MGAT5: variants seen among roughly 807,000 people sequenced by gnomAD.
MGAT5 encodes the protein alpha-1,6-mannosylglycoprotein 6-beta-N-acetylglucosaminyltransferase.
A neutral mutation model predicts 94.3 loss-of-function variants in MGAT5; 30 were observed. The observed-to-expected ratio is 0.32, with a 90% CI of 0.24 to 0.43. The LOEUF is 0.43. MGAT5 is among the 20% of genes least tolerant of loss of function. The pLI is 1.00. For synonymous variants in MGAT5, 310 were observed against 322.9 expected (o/e 0.96, Z 0.43); for missense variants, 691 against 905.5 (o/e 0.76, Z 3.04).
chr2:134,172,682 A>G (rs534577275), intron 1 of MGAT5, among the ~76,000 whole-genome samples: 8 of 152,298 alleles, frequency 5.3e-5, no homozygotes, highest in Middle Eastern at 3.4e-3. Flanking sequence ...CACCATGCCC[A>G]GCCAGTACTT....
chr2:134,297,353 A>G (rs987925971), intron 2 of MGAT5, among the ~76,000 whole-genome samples: 11 of 152,086 alleles, frequency 7.2e-5, no homozygotes, highest in African/African-American at 2.7e-4. Context: ...GATTCTTCAC[A>G]GATTCTTCCA....
Position 134,284,790 on chromosome 2 carries a change from C to T in MGAT5, c.406+14240C>T, listed in dbSNP as rs367872339. The stretch of plus-strand genomic sequence containing the variant: ...GGTTCAGATCCTGGCTGGTGCATCT[C>T]TAATGTGCCCATTTAATCTGCCACT... On this transcript the variant is annotated intron_variant, in intron 2 of 15. Coordinates refer to ENST00000281923, the MANE Select transcript of MGAT5 (RefSeq NM_002410.5). 1.5e-4 allele frequency among the ~76,000 whole-genome samples: 23 copies of T among 152,258 alleles called. No individual in the cohort carries two copies. The East Asian group carries it at 4.1e-3, about 27-fold the overall frequency.
chr2:134,333,376 T>C (rs1688108106), intron 4 of MGAT5, among the ~76,000 whole-genome samples: 1 of 135,764 alleles, frequency 7.4e-6, no homozygotes, highest in Non-Finnish European at 1.5e-5. Flanking sequence ...TAGGTGGGAA[T>C]TGAACAATGA....
intron 3 of MGAT5, among the ~76,000 whole-genome samples, chr2:134,318,209 G>A (rs1490034426): frequency 2.6e-5 from 4 of 152,144 alleles, no homozygotes; most frequent in Admixed American, 6.5e-5. Flanking sequence ...CATTTGGGTG[G>A]TATCCATGTG....
intron 6 of MGAT5, among the ~76,000 whole-genome samples, chr2:134,338,689 A>G (rs1688468222): frequency 6.6e-6 from 1 of 152,158 alleles, no homozygotes; most frequent in South Asian, 2.1e-4. Flanking sequence ...TTGTCAGGGT[A>G]TCAGGAAACT....
chr2:134,345,660 T>TGGGG (rs1688879143), intron 8 of MGAT5, among the ~76,000 whole-genome samples: 1 of 152,210 alleles, frequency 6.6e-6, no homozygotes, highest in Admixed American at 6.5e-5. Context: ...TATACAAACA[T>TGGGG]GGCACTAAAT....
At position 134,209,099 on chromosome 2, in the gene MGAT5, G is replaced by A. The variant is rs190581272; in HGVS notation, c.-142-45163G>A. 6.7e-5 allele frequency among the ~76,000 whole-genome samples: 10 copies of A among 148,848 alleles called. 1 individual carries two copies. The highest frequency in any genetic ancestry group is 2.4e-4 in the African/African-American group (10 of 41,092). On this transcript the variant is annotated intron_variant, in intron 1 of 16. Transcript: ENST00000409645. ...TTGTTTTTGTGTATTTACCGGGGAT[G>A]AGGAGGTGGATGGGCAGAGGGATTG...
chr2:134,249,535 T>C (rs1238037993), upstream of MGAT5, among the ~76,000 whole-genome samples: 3 of 152,236 alleles, frequency 2.0e-5, no homozygotes, highest in African/African-American at 7.2e-5. Context: ...TTTTTTTGCT[T>C]AGTATAATGT....
At chr2:134,178,023 A>G (rs1369503052) in intron 1 of MGAT5, among the ~76,000 whole-genome samples, 1 of 152,166 alleles carries the variant, frequency 6.6e-6, no homozygotes, top group Admixed American at 6.5e-5. Context: ...TAATATTTGC[A>G]TAAGTGTGCT....
intron 12 of MGAT5, among the ~76,000 whole-genome samples, chr2:134,422,036 A>G (rs1255245290): frequency 6.6e-6 from 1 of 152,040 alleles, no homozygotes; most frequent in East Asian, 1.9e-4. Flanking sequence ...TTAATTAGCC[A>G]GGCATGATGT....
At chr2:134,260,702 C>CTTTTTTTTTTTTTTT (rs3838494) in intron 1 of MGAT5, among the ~76,000 whole-genome samples, 1 of 127,070 alleles carries the variant, frequency 7.9e-6, no homozygotes, top group Non-Finnish European at 1.7e-5. Flanking sequence ...TTTTCTTTTT[C>CTTTTTTTTTTTTTTT]TTTTTTTTTT....
chr2:134,291,704 G>C (rs1016907194), intron 2 of MGAT5, among the ~76,000 whole-genome samples: 64 of 152,294 alleles, frequency 4.2e-4, no homozygotes, highest in African/African-American at 1.4e-3. Flanking sequence ...CTCAGGTTGA[G>C]AGCCCTGTAA....
intron 4 of MGAT5, among the ~76,000 whole-genome samples, chr2:134,335,999 T>G (rs753216297): frequency 2.0e-5 from 3 of 152,140 alleles, no homozygotes; most frequent in Non-Finnish European, 2.9e-5. Context: ...AGATGTAAAG[T>G]ATAATCTCTT....
chr2:134,124,215 AGGTGG>A (rs1685740201), intron 1 of MGAT5, among the ~76,000 whole-genome samples: 1 of 152,214 alleles, frequency 6.6e-6, no homozygotes, highest in South Asian at 2.1e-4. Flanking sequence ...AAAGCTGCCA[AGGTGG>A]GTCCCAGGAG....
intron 1 of MGAT5, among the ~76,000 whole-genome samples, chr2:134,206,211 A>G (rs1171291352): frequency 6.6e-6 from 1 of 152,122 alleles, no homozygotes; most frequent in African/African-American, 2.4e-5. Flanking sequence ...TACTTAAGAA[A>G]CCTGTGATCA....
chr2:134,180,652 A>G (rs1688690385), intron 1 of MGAT5, among the ~76,000 whole-genome samples: 1 of 152,142 alleles, frequency 6.6e-6, no homozygotes, highest in South Asian at 2.1e-4. Context: ...CTCTGTGAGG[A>G]CCGCACTCCT....
chr2:134,381,545 A>AGATAGATAGATAGATAGATAGATT (rs1681631776), intron 10 of MGAT5, among the ~76,000 whole-genome samples: 2 of 151,486 alleles, frequency 1.3e-5, no homozygotes, highest in African/African-American at 4.9e-5. Context: ...ACAGATAGAT[A>AGATAGATAGATAGATAGATAGATT]GATAGATAGA....
At chr2:134,442,040 G>C (rs112406824) in intron 15 of MGAT5, 125 bp downstream of exon 15, 29 of 1,110,548 alleles carry the variant, frequency 2.6e-5, no homozygotes, top group Non-Finnish European at 3.5e-5. Flanking sequence ...AGGTGTGGGA[G>C]GGGAGTAGGT....
chr2:134,400,893 A>T (rs541024152), intron 10 of MGAT5, among the ~76,000 whole-genome samples: 181 of 152,218 alleles, frequency 1.2e-3, no homozygotes, highest in Non-Finnish European at 2.0e-3. Flanking sequence ...CTCAAGTAAA[A>T]ATATGGGGTG....
Sources: allele counts gnomAD v4.1 joint callset (sites outside exome capture counted in the v4.1 genomes callset), GRCh38; gene constraint gnomAD v4.1.1; transcripts MANE v1.5; gene names NCBI Gene and HGNC (gene_info 2026-07-23, HGNC 2026-07-21).